Variants in RBM20 observed in about 807,000 individuals in gnomAD.
RBM20 encodes RNA-binding protein 20.
Under a neutral mutation model 110.1 loss-of-function variants are expected in RBM20, and 51 were observed. That is an observed-to-expected ratio of 0.46 (90% confidence interval 0.37 to 0.59). The LOEUF is 0.59. RBM20 is among the 20% of genes least tolerant of loss of function. The pLI is 0.00. For synonymous variants in RBM20, 589 were observed against 618.2 expected (o/e 0.95, Z 0.70); for missense variants, 1,512 against 1,574.9 (o/e 0.96, Z 0.68).
At chr10:110,707,054 C>A (rs1420239021) in intron 1 of RBM20, among the ~76,000 whole-genome samples, 3 of 152,172 alleles carry the variant, frequency 2.0e-5, no homozygotes, top group Non-Finnish European at 2.9e-5. Context: ...GAACCTGTTG[C>A]ATTTTAAAGG....
intron 10 of RBM20, 24 bp from the exon 11 acceptor site, chr10:110,821,251 C>A: frequency 6.5e-7 from 1 of 1,544,004 alleles, no homozygotes; most frequent in South Asian, 1.2e-5. Context: ...CACCCTCTGA[C>A]CTCCATTCTG....
At chr10:110,722,691 G>C (rs1292342934) in intron 1 of RBM20, among the ~76,000 whole-genome samples, 1 of 152,154 alleles carries the variant, frequency 6.6e-6, no homozygotes, top group Non-Finnish European at 1.5e-5. Context: ...ACTGTTATCA[G>C]CTTGTTTGTA....
At chr10:110,656,076 G>C (rs1453712532) in intron 1 of RBM20, among the ~76,000 whole-genome samples, 3 of 152,072 alleles carry the variant, frequency 2.0e-5, no homozygotes, top group Non-Finnish European at 4.4e-5. Flanking sequence ...CGAGGCACGT[G>C]GATCACCTGT....
At chr10:110,690,501 A>G (rs535126197) in intron 1 of RBM20, among the ~76,000 whole-genome samples, 1 of 152,246 alleles carries the variant, frequency 6.6e-6, no homozygotes, top group Admixed American at 6.5e-5. Context: ...TAACTTTTTC[A>G]TCACCCAAAC....
Position 110,797,507 on chromosome 10 carries a change from G to C in RBM20, c.1528-1G>C, listed in dbSNP as rs534513476. ...CCACTAATGATCTTTGTTCCCATTA[G>C]TTTGCACAGCGGAAAGGGGCTGGCC... is the stretch of plus-strand genomic sequence containing the variant. On this transcript the variant is annotated splice_acceptor_variant, in intron 5 of 13. Coordinates refer to ENST00000369519, the MANE Select transcript of RBM20 (RefSeq NM_001134363.3). LOFTEE classifies it high-confidence loss of function. The C allele has an allele frequency of 1.9e-6, 3 of 1,550,422 alleles. No individual in the cohort carries two copies. The highest frequency in any genetic ancestry group is 2.6e-6 in the Non-Finnish European group (3 of 1,146,296).
At chr10:110,663,666 G>A (rs979601158) in intron 1 of RBM20, among the ~76,000 whole-genome samples, 1 of 152,142 alleles carries the variant, frequency 6.6e-6, no homozygotes, top group Non-Finnish European at 1.5e-5. Flanking sequence ...ATGGACAAAA[G>A]TAATCCCCAA....
At chr10:110,742,408 C>A (rs1312021726) in intron 1 of RBM20, among the ~76,000 whole-genome samples, 1 of 152,202 alleles carries the variant, frequency 6.6e-6, no homozygotes, top group African/African-American at 2.4e-5. Flanking sequence ...AGACACAGGA[C>A]TTGGACTTGG....
chr10:110,782,657 C>G (rs907179198), intron 2 of RBM20, among the ~76,000 whole-genome samples: 1 of 152,220 alleles, frequency 6.6e-6, no homozygotes. Flanking sequence ...CTCCCCGCCA[C>G]CTCCCCAGCT....
At chr10:110,727,564 T>A (rs1843577123) in intron 1 of RBM20, among the ~76,000 whole-genome samples, 1 of 152,206 alleles carries the variant, frequency 6.6e-6, no homozygotes. Context: ...AATGTTTTGA[T>A]ATAAAGAAGA....
At position 110,838,253 on chromosome 10, in the gene RBM20, G is replaced by A. The variant is rs1845158247; in HGVS notation, c.*2275G>A. 1 of 152,036 alleles carries A rather than the reference G, an allele frequency of 6.6e-6. No homozygotes were observed. Among genetic ancestry groups the A allele is most frequent in the Non-Finnish European group, 1.5e-5 (1 of 68,000 alleles). The allele number at this position is 152,036 out of a possible 1,614,324, so 9.4% of individuals were successfully genotyped here. ...CCCAATTCTAGAATCAAAAATAAAGGCCAACTAAGATCTTCAAAGTAAATT... is the reference window on the plus strand; with the variant it reads ...CCCAATTCTAGAATCAAAAATAAAGACCAACTAAGATCTTCAAAGTAAATT... On this transcript the variant is annotated 3_prime_UTR_variant, in exon 14 of 14. Coordinates refer to ENST00000369519, the MANE Select transcript of RBM20 (RefSeq NM_001134363.3).
intron 1 of RBM20, among the ~76,000 whole-genome samples, chr10:110,648,514 G>T (rs965793821): frequency 1.2e-4 from 19 of 152,220 alleles, no homozygotes; most frequent in African/African-American, 4.6e-4. Flanking sequence ...ATTCATACTT[G>T]GTCCTTTCTG....
At chr10:110,786,342 G>T (rs1020675695) in intron 5 of RBM20, among the ~76,000 whole-genome samples, 5 of 152,224 alleles carry the variant, frequency 3.3e-5, no homozygotes, top group African/African-American at 1.2e-4. Context: ...TCCACGTGCT[G>T]TCCCCTCTAC....
At chr10:110,661,184 T>C (rs1862096327) in intron 1 of RBM20, among the ~76,000 whole-genome samples, 1 of 152,226 alleles carries the variant, frequency 6.6e-6, no homozygotes, top group East Asian at 1.9e-4. Flanking sequence ...TGAGCCCACC[T>C]AGGATATGAA....
chr10:110,650,397 A>G (rs1056699068), intron 1 of RBM20, among the ~76,000 whole-genome samples: 4 of 152,160 alleles, frequency 2.6e-5, no homozygotes, highest in African/African-American at 9.7e-5. Context: ...GATGTACTTT[A>G]TGGGCAAAAA....
intron 1 of RBM20, among the ~76,000 whole-genome samples, chr10:110,653,050 C>G (rs1861974344): frequency 6.6e-6 from 1 of 152,176 alleles, no homozygotes; most frequent in South Asian, 2.1e-4. Flanking sequence ...CAAGGTTACT[C>G]TTTTTCCCCA....
intron 1 of RBM20, among the ~76,000 whole-genome samples, chr10:110,754,755 T>C (rs951275898): frequency 8.5e-5 from 13 of 152,240 alleles, no homozygotes; most frequent in African/African-American, 2.9e-4. Flanking sequence ...TTGTTTACTT[T>C]TTCATGTGGT....
chr10:110,683,092 G>A (rs1488960049), intron 1 of RBM20, among the ~76,000 whole-genome samples: 1 of 152,020 alleles, frequency 6.6e-6, no homozygotes. Context: ...TCTAATTCTT[G>A]TGATCAAGAA....
At position 110,821,382 on chromosome 10, in the gene RBM20, C is replaced by G. The variant is rs587781137; in HGVS notation, c.2763C>G (p.Ile921Met). The G allele has an allele frequency of 6.4e-7, 1 of 1,551,748 alleles. No individual in the cohort carries two copies. The highest frequency in any genetic ancestry group is 8.7e-7 in the Non-Finnish European group (1 of 1,147,006). Residue 921 changes from isoleucine (I) to methionine (M), a missense_variant, in exon 11 of 14, where the codon ATC becomes ATG. Transcript: ENST00000369519. Reference sequence around the variant, plus strand: ...AGGTTGGGGAAGAAGAAGATTTTATCGTGGAACCAGACATCCCAGAGCTGG... The same window carrying G: ...AGGTTGGGGAAGAAGAAGATTTTATGGTGGAACCAGACATCCCAGAGCTGG... ...VDEVGEEEDF[I>M]VEPDIPELEE... is the part of the protein sequence containing the mutation.
intron 1 of RBM20, among the ~76,000 whole-genome samples, chr10:110,663,134 T>G (rs916787901): frequency 2.0e-5 from 3 of 151,912 alleles, no homozygotes; most frequent in Admixed American, 6.6e-5. Context: ...CCAGCTAATT[T>G]TTTTGTATTT....
Sources: gnomAD v4.1 joint callset for allele counts (sites outside exome capture counted in the v4.1 genomes callset) on GRCh38, gnomAD v4.1.1 for gene constraint, MANE v1.5 for transcripts, NCBI Gene and HGNC (gene_info 2026-07-23, HGNC 2026-07-21) for gene names.